GABRB1: variants seen among roughly 807,000 people sequenced by gnomAD.
GABRB1 encodes gamma-aminobutyric acid receptor subunit beta-1.
In GABRB1, 17 loss-of-function variants were observed where a neutral mutation model predicts 51.6. That is an observed-to-expected ratio of 0.33 (90% confidence interval 0.23 to 0.49). GABRB1 has a LOEUF of 0.49. Ranked by LOEUF, GABRB1 falls within the 20% of genes least tolerant of loss-of-function variation. The probability of loss-of-function intolerance (pLI) is 0.99; values close to 1 mark genes in which losing one functional copy is unlikely to be tolerated. For synonymous variants in GABRB1, 247 were observed against 218.9 expected, an observed-to-expected ratio of 1.13 and a Z score of -1.14; for missense variants, 410 against 600.6, an observed-to-expected ratio of 0.68 and a Z score of 3.32.
intron 5 of GABRB1, among the ~76,000 whole-genome samples, chr4:47,357,566 CA>C (rs1396476457): frequency 1.3e-5 from 2 of 152,142 alleles, no homozygotes; most frequent in African/African-American, 4.8e-5. Context: ...TTGCAAATGT[CA>C]AATTGGAAGT....
chr4:47,305,303 C>T (rs902129184), intron 4 of GABRB1, among the ~76,000 whole-genome samples: 16 of 152,044 alleles, frequency 1.1e-4, no homozygotes, highest in African/African-American at 3.6e-4. Flanking sequence ...GTTTATTTAA[C>T]CAATGGACTA....
chr4:47,270,676 T>G (rs1275203354), intron 4 of GABRB1, among the ~76,000 whole-genome samples: 1 of 152,192 alleles, frequency 6.6e-6, no homozygotes, highest in African/African-American at 2.4e-5. Flanking sequence ...AGCTGAAATG[T>G]TTCCATGACA....
At chr4:46,994,903 GT>G (rs1358526681) in intron 1 of GABRB1, among the ~76,000 whole-genome samples, 7 of 152,082 alleles carry the variant, frequency 4.6e-5, no homozygotes, top group Non-Finnish European at 1.0e-4. Flanking sequence ...AGGGGTTTTG[GT>G]TTTTTTGTGT....
intron 3 of GABRB1, among the ~76,000 whole-genome samples, chr4:47,103,840 A>C (rs999733598): frequency 2.0e-5 from 3 of 151,938 alleles, no homozygotes; most frequent in Non-Finnish European, 4.4e-5. Context: ...CCTCCTCCAA[A>C]GACCAGCATT....
intron 5 of GABRB1, among the ~76,000 whole-genome samples, chr4:47,389,472 G>A (rs1042009236): frequency 2.0e-5 from 3 of 152,116 alleles, no homozygotes; most frequent in Non-Finnish European, 2.9e-5. Flanking sequence ...ATTAACTACC[G>A]AGCAGACTCA....
intron 4 of GABRB1, among the ~76,000 whole-genome samples, chr4:47,163,528 G>A (rs1718050079): frequency 6.6e-6 from 1 of 151,846 alleles, no homozygotes; most frequent in South Asian, 2.1e-4. Flanking sequence ...TAGATACTGG[G>A]TACTCCAAGA....
chr4:47,244,851 A>T (rs1335791755), intron 4 of GABRB1, among the ~76,000 whole-genome samples: 2 of 152,240 alleles, frequency 1.3e-5, no homozygotes, highest in Non-Finnish European at 2.9e-5. Context: ...AGCAGTGTGT[A>T]CAGGGAAATA....
chr4:47,349,173 A>G (rs1206562915), intron 5 of GABRB1, among the ~76,000 whole-genome samples: 1 of 152,152 alleles, frequency 6.6e-6, no homozygotes, highest in Non-Finnish European at 1.5e-5. Flanking sequence ...GAAGATATAA[A>G]TTTGTGAATT....
intron 8 of GABRB1, among the ~76,000 whole-genome samples, chr4:47,408,937 A>G (rs1409511776): frequency 3.9e-5 from 6 of 152,230 alleles, no homozygotes; most frequent in Admixed American, 3.3e-4. Flanking sequence ...CTCAAAGATA[A>G]GTACAATTTA....
At chr4:47,023,932 A>T (rs964503783) in intron 1 of GABRB1, among the ~76,000 whole-genome samples, 2 of 151,952 alleles carry the variant, frequency 1.3e-5, no homozygotes, top group Non-Finnish European at 2.9e-5. Context: ...TTTCTTATGT[A>T]ACTCTTGTTA....
Position 47,310,050 on chromosome 4 carries a change from AT to A in GABRB1, c.462-10076del, listed in dbSNP as rs200213803. On this transcript the variant is annotated intron_variant, in intron 4 of 8. Coordinates refer to ENST00000295454, the MANE Select transcript of GABRB1 (RefSeq NM_000812.4). ...ATCATACCTGCATTCATGAATTATC[AT>A]AAACCTAGGTTGAGGCACATTTTGT... 8.3e-3 allele frequency among the ~76,000 whole-genome samples: 1,257 copies of A among 152,294 alleles called. 11 individuals are homozygous for A. The highest frequency in any genetic ancestry group is 0.045 in the East Asian group (234 of 5,184).
chr4:47,267,560 C>T (rs1284605289), intron 4 of GABRB1, among the ~76,000 whole-genome samples: 2 of 151,864 alleles, frequency 1.3e-5, no homozygotes, highest in African/African-American at 2.4e-5. Context: ...CTTGTGAGGC[C>T]GAGGCAGGCG....
chr4:47,403,437 A>G lies in GABRB1; in HGVS notation c.664A>G (p.Lys222Glu), dbSNP rs761232946. 1 of 1,613,952 alleles carries G rather than the reference A, an allele frequency of 6.2e-7. No homozygotes were observed. Among genetic ancestry groups the G allele is most frequent in the African/African-American group, 1.3e-5 (1 of 74,946 alleles). ...SIVDYKMVSKKVEFTTGAYPR... is the reference protein window; with the variant it reads ...SIVDYKMVSKEVEFTTGAYPR... ...TGTTGACTACAAGATGGTGTCTAAG[A>G]AGGTGGAGTTCACAACAGGTGAGGT... is the stretch of plus-strand genomic sequence containing the variant. Residue 222 changes from lysine to glutamate, a missense_variant, in exon 6 of 9, where the codon AAG (lysine) becomes GAG (glutamate). Physicochemically the swap from Lys to Glu is moderately conservative, Grantham distance 56. Transcript: ENST00000295454.
intron 3 of GABRB1, among the ~76,000 whole-genome samples, chr4:47,057,891 G>A (rs1726688214): frequency 1.3e-5 from 2 of 152,194 alleles, no homozygotes; most frequent in South Asian, 4.1e-4. Flanking sequence ...ATACAGGATA[G>A]AATGGACAGA....
chr4:47,404,489 GCACACACACACACA>G (rs56335154), intron 7 of GABRB1, among the ~76,000 whole-genome samples: 13,491 of 145,626 alleles, frequency 0.093, 668 homozygotes, highest in South Asian at 0.15. Flanking sequence ...ACACACGCAT[GCACACACACACACA>G]CACACACACA....
intron 5 of GABRB1, among the ~76,000 whole-genome samples, chr4:47,349,638 C>G (rs1726235139): frequency 6.6e-6 from 1 of 152,150 alleles, no homozygotes; most frequent in African/African-American, 2.4e-5. Context: ...CACCCATCCA[C>G]TAGTTACTTA....
intron 4 of GABRB1, among the ~76,000 whole-genome samples, chr4:47,223,244 G>A (rs1041665576): frequency 3.9e-5 from 6 of 151,962 alleles, no homozygotes; most frequent in East Asian, 1.9e-4. Flanking sequence ...CATTAGAATC[G>A]AAAGTATATT....
chr4:47,362,849 A>G (rs775142318), intron 5 of GABRB1, among the ~76,000 whole-genome samples: 5 of 152,188 alleles, frequency 3.3e-5, no homozygotes, highest in African/African-American at 7.2e-5. Flanking sequence ...ACAAAGGTGA[A>G]TAAGACACAA....
chr4:47,050,673 C>G (rs1262134801), intron 3 of GABRB1, among the ~76,000 whole-genome samples: 1 of 152,090 alleles, frequency 6.6e-6, no homozygotes, highest in Non-Finnish European at 1.5e-5. Flanking sequence ...CTATTTTTTC[C>G]TGGATTTTCC....
Sources: gnomAD v4.1 joint callset for allele counts (sites outside exome capture counted in the v4.1 genomes callset) on GRCh38, gnomAD v4.1.1 for gene constraint, MANE v1.5 for transcripts, NCBI Gene and HGNC (gene_info 2026-07-23, HGNC 2026-07-21) for gene names.